DACH2: variants seen among roughly 807,000 people sequenced by gnomAD.
DACH2 encodes the protein dachshund homolog 2.
A neutral mutation model predicts 35.8 loss-of-function variants in DACH2; 17 were observed. That is an observed-to-expected ratio of 0.48 (90% confidence interval 0.33 to 0.71). DACH2 has a LOEUF of 0.71. DACH2 is among the 30% of genes least tolerant of loss of function. The pLI is 0.02. For synonymous variants in DACH2, 195 were observed against 177.3 expected (o/e 1.10, Z -0.79); for missense variants, 469 against 472.7 (o/e 0.99, Z 0.07).
At chrX:86,468,427 T>G (rs1383839047) in intron 2 of DACH2, among the ~76,000 whole-genome samples, 1 of 111,327 alleles carries the variant, frequency 9.0e-6, no homozygotes, top group Non-Finnish European at 1.9e-5. Context: ...GTATACCATC[T>G]ATCATTGGTT....
chrX:86,793,758 C>T (rs2042210332), intron 7 of DACH2, among the ~76,000 whole-genome samples: 2 of 112,088 alleles, frequency 1.8e-5, no homozygotes, highest in African/African-American at 6.5e-5. Context: ...GAGCATATAA[C>T]ATGTCATTTT....
At chrX:86,288,671 C>G (rs1041093399) in intron 1 of DACH2, among the ~76,000 whole-genome samples, 38 of 111,987 alleles carry the variant, frequency 3.4e-4, no homozygotes, top group Non-Finnish European at 5.6e-4. Context: ...CTACCACTAC[C>G]ATAGGCCCAC....
At chrX:86,235,858 G>A (rs1021861905) in intron 1 of DACH2, among the ~76,000 whole-genome samples, 27 of 111,758 alleles carry the variant, frequency 2.4e-4, no homozygotes, top group Admixed American at 2.2e-3. Context: ...ACTAGGCTGG[G>A]CATGGTGGTT....
At chrX:86,761,586 A>T (rs779413714) in intron 7 of DACH2, among the ~76,000 whole-genome samples, 2 of 111,648 alleles carry the variant, frequency 1.8e-5, no homozygotes, top group African/African-American at 3.3e-5. Context: ...AACTGTACAG[A>T]CCCATGTACA....
chrX:86,607,078 TATAG>T (rs1157000078), intron 3 of DACH2, among the ~76,000 whole-genome samples: 1 of 111,855 alleles, frequency 8.9e-6, no homozygotes, highest in African/African-American at 3.2e-5. Context: ...TGTGTGTCTT[TATAG>T]ATGAATTGTG....
chrX:86,563,265 T>A (rs1329266033), intron 3 of DACH2, among the ~76,000 whole-genome samples: 1 of 110,433 alleles, frequency 9.1e-6, no homozygotes, highest in African/African-American at 3.3e-5. Flanking sequence ...TAAGGAAATT[T>A]TATTATTTTG....
intron 1 of DACH2, among the ~76,000 whole-genome samples, chrX:86,346,173 C>A (rs1383464913): frequency 1.8e-5 from 2 of 111,186 alleles, no homozygotes; most frequent in Non-Finnish European, 3.8e-5. Context: ...TACTTGAGTA[C>A]TAGTACACAG....
At chrX:86,413,405 C>T (rs769268327) in intron 2 of DACH2, among the ~76,000 whole-genome samples, 7 of 112,017 alleles carry the variant, frequency 6.2e-5, no homozygotes, top group African/African-American at 1.9e-4. Flanking sequence ...GACTGCAAAC[C>T]AGGTGTCAGG....
In DACH2 at chrX:86,228,112, G is replaced by T. The variant is rs150668135; in HGVS notation, c.488+79004G>T. Among the ~76,000 whole-genome samples the T allele has an allele frequency of 9.3e-5, 10 of 107,595 alleles. No homozygotes were observed. In the South Asian group the frequency reaches 4.1e-3, roughly 44 times the overall value. The allele number at this position is 107,595 out of a possible 115,157, so 93.4% of individuals were successfully genotyped here. A position where few individuals can be genotyped will look rare whatever the true frequency, so the allele number is the denominator to read the frequency against. The stretch of plus-strand genomic sequence containing the variant: ...CCATATTTGCAGTCTTTTATTCCTC[G>T]CCCCCTTCCACTCTTACCCCCAAGT... On this transcript the variant is annotated intron_variant, in intron 1 of 11. Transcript: ENST00000373125.
intron 3 of DACH2, among the ~76,000 whole-genome samples, chrX:86,580,103 C>A (rs1483998230): frequency 8.9e-6 from 1 of 111,755 alleles, no homozygotes; most frequent in Non-Finnish European, 1.9e-5. Context: ...GCATGCAGAC[C>A]AGGAGCTCTT....
At chrX:86,404,263 C>A (rs2036486732) in intron 2 of DACH2, among the ~76,000 whole-genome samples, 1 of 111,281 alleles carries the variant, frequency 9.0e-6, no homozygotes, top group African/African-American at 3.3e-5. Flanking sequence ...AGCATTAACT[C>A]AAAAGTCCAA....
chrX:86,451,690 G>A (rs1358154798), intron 2 of DACH2, among the ~76,000 whole-genome samples: 2 of 111,473 alleles, frequency 1.8e-5, no homozygotes, highest in Non-Finnish European at 3.8e-5. Context: ...TATCAATGAA[G>A]ATGGAAGGTT....
chrX:86,244,474 C>A (rs2033236736), intron 1 of DACH2, among the ~76,000 whole-genome samples: 4 of 111,743 alleles, frequency 3.6e-5, no homozygotes, highest in African/African-American at 9.8e-5. Flanking sequence ...ATTAGCTGGG[C>A]ATGTTGGCAT....
intron 1 of DACH2, among the ~76,000 whole-genome samples, chrX:86,211,066 A>G (rs1372634158): frequency 9.0e-6 from 1 of 111,527 alleles, no homozygotes; most frequent in Non-Finnish European, 1.9e-5. Flanking sequence ...TTTGTGAAGC[A>G]CTGTGATTTA....
At chrX:86,739,659 G>A in intron 6 of DACH2, 88 bp from the exon 7 acceptor site, 1 of 1,056,127 alleles carries the variant, frequency 9.5e-7, no homozygotes, top group Non-Finnish European at 1.3e-6. Context: ...CAATAAGTGA[G>A]AGGTCAACAT....
intron 1 of DACH2, among the ~76,000 whole-genome samples, chrX:86,198,343 CA>C (rs1226274408): frequency 1.8e-5 from 2 of 111,389 alleles, no homozygotes; most frequent in Non-Finnish European, 3.8e-5. Context: ...CCTAACATAG[CA>C]ACTAAAAGAA....
intron 3 of DACH2, among the ~76,000 whole-genome samples, chrX:86,618,452 A>G (rs1326869991): frequency 8.9e-6 from 1 of 111,864 alleles, no homozygotes; most frequent in Non-Finnish European, 1.9e-5. Context: ...TTATCATAGC[A>G]ATATAAAATA....
chrX:86,639,650 C>A, intron 3 of DACH2, among the ~76,000 whole-genome samples: 1 of 111,550 alleles, frequency 9.0e-6, no homozygotes, highest in Non-Finnish European at 1.9e-5. Context: ...ATAAGACACA[C>A]TGGTTTGGAA....
intron 1 of DACH2, among the ~76,000 whole-genome samples, chrX:86,340,653 T>C (rs993144481): frequency 1.2e-4 from 13 of 111,807 alleles, no homozygotes; most frequent in Admixed American, 2.9e-4. Context: ...GGAAGACATG[T>C]CAAAACCCTC....
Sources: allele counts gnomAD v4.1 joint callset (sites outside exome capture counted in the v4.1 genomes callset), GRCh38; gene constraint gnomAD v4.1.1; transcripts MANE v1.5; gene names NCBI Gene and HGNC (gene_info 2026-07-23, HGNC 2026-07-21).